Variants in FAM241B observed in about 807,000 individuals in gnomAD.
FAM241B encodes protein FAM241B.
FAM241B carries 7 observed loss-of-function variants against 9.3 expected under a neutral mutation model. That is an observed-to-expected ratio of 0.75 (90% CI 0.43 to 1.41). The LOEUF (loss-of-function observed/expected upper bound fraction) is 1.41, where lower values mean the gene tolerates loss of function less well. FAM241B is among the 40% of genes most tolerant of loss of function. The pLI is 0.01. For missense variants in FAM241B, 136 were observed against 159.6 expected, an observed-to-expected ratio of 0.85 and a Z score of 0.80; for synonymous variants, 60 against 64.1, an observed-to-expected ratio of 0.94 and a Z score of 0.31.
chr10:69,631,962 G>T, intron 3 of FAM241B, 123 bp downstream of exon 3: 1 of 1,202,250 alleles, frequency 8.3e-7, no homozygotes, highest in Non-Finnish European at 1.1e-6. Context: ...TTTGCAGAGA[G>T]CTGGGGAAGA....
chr10:69,631,911 C>T, intron 3 of FAM241B, 72 bp downstream of exon 3: 1 of 1,546,098 alleles, frequency 6.5e-7, no homozygotes, highest in Non-Finnish European at 8.8e-7. Flanking sequence ...TTCCAGAAGT[C>T]TCTCTTGCTG....
At chr10:69,632,359 G>A (rs1839840956) in intron 3 of FAM241B, among the ~76,000 whole-genome samples, 2 of 151,528 alleles carry the variant, frequency 1.3e-5, no homozygotes, top group South Asian at 4.2e-4. Context: ...TCAGGAGGCT[G>A]AGGCAGGAGA....
chr10:69,630,985 T>C (rs935565500), intron 1 of FAM241B, among the ~76,000 whole-genome samples: 2 of 151,266 alleles, frequency 1.3e-5, no homozygotes, highest in Non-Finnish European at 2.9e-5. Flanking sequence ...CTCATCTCCC[T>C]GGGTGTTCCT....
chr10:69,633,192 C>T lies in FAM241B; in HGVS notation c.*133C>T, dbSNP rs1308377149. 14 of 1,326,454 alleles carry T rather than the reference C, an allele frequency of 1.1e-5. No individual in the cohort carries two copies. The highest frequency in any genetic ancestry group is 1.5e-5 in the Non-Finnish European group (14 of 961,414). 82.2% of individuals were successfully genotyped at this position (1,326,454 alleles called of 1,614,324 possible). Reference sequence around the variant, plus strand: ...GAGAGGGGACCACAGGTGTGTGTTTCCCCTTTGTGTTAAGCGTGAGGCAGA... The same window carrying T: ...GAGAGGGGACCACAGGTGTGTGTTTTCCCTTTGTGTTAAGCGTGAGGCAGA... On this transcript the variant is annotated 3_prime_UTR_variant, in exon 4 of 4. Transcript: ENST00000373279.
In FAM241B at chr10:69,632,881, C is replaced by T. The variant is rs758351510; in HGVS notation, c.188C>T (p.Pro63Leu). Residue 63 changes from proline to leucine, a missense_variant, in exon 4 of 4, where the codon CCC (proline) becomes CTC (leucine). Pro to Leu is a moderately conservative substitution (Grantham distance 98). Transcript: ENST00000373279. The stretch of plus-strand genomic sequence containing the variant: ...GCCAGGCTGGGTGCTGCTCAGTCCC[C>T]CTTCAATGACCTCAACCGGCAGCTG... ...AGARLGAAQS[P>L]FNDLNRQLVN... is the part of the protein sequence containing the mutation. 4 of 1,614,250 alleles carry T rather than the reference C, an allele frequency of 2.5e-6. No individual in the cohort carries two copies. Among genetic ancestry groups the T allele is most frequent in the Non-Finnish European group, 3.4e-6 (4 of 1,180,046 alleles).
chr10:69,632,324 G>A (rs920400142), intron 3 of FAM241B, among the ~76,000 whole-genome samples: 1 of 152,000 alleles, frequency 6.6e-6, no homozygotes, highest in Non-Finnish European at 1.5e-5. Flanking sequence ...CAGGTGTGGT[G>A]GTGCATGCCT....
intron 3 of FAM241B, 123 bp from the exon 4 acceptor site, chr10:69,632,667 T>A: frequency 8.9e-7 from 1 of 1,120,878 alleles, no homozygotes; most frequent in African/African-American, 1.5e-5. Flanking sequence ...GGGGGATTGC[T>A]GAGAAAGGAG....
At position 69,633,455 on chromosome 10, in the gene FAM241B, G is replaced by T; in HGVS notation, c.*396G>T. 4.9e-6 allele frequency: 1 copy of T among 203,466 alleles called. No individual in the cohort carries two copies. Among genetic ancestry groups the T allele is most frequent in the Non-Finnish European group, 9.9e-6 (1 of 100,746 alleles). The allele number at this position is 203,466 out of a possible 1,614,324, so 12.6% of individuals were successfully genotyped here. A position where few individuals can be genotyped will look rare whatever the true frequency, so the allele number is the denominator to read the frequency against. ...CCTAGGGAGCAGGACTTGGGCTTAGGGCAGGTGGAAAAAATTCCAGACTTT... is the reference window on the plus strand; with the variant it reads ...CCTAGGGAGCAGGACTTGGGCTTAGTGCAGGTGGAAAAAATTCCAGACTTT... On this transcript the variant is annotated 3_prime_UTR_variant, in exon 4 of 4. Transcript: ENST00000373279.
intron 1 of FAM241B, 31 bp from the exon 2 acceptor site, chr10:69,631,449 T>C: frequency 6.9e-7 from 1 of 1,455,832 alleles, no homozygotes; most frequent in Non-Finnish European, 9.2e-7. Context: ...GCAAACAACT[T>C]GCCTTTATTT....
chr10:69,631,684 T>A lies in FAM241B; in HGVS notation c.-35-25T>A, dbSNP rs772630710. ...CTGTGCCACTTGGCTTCCATTAGCC[T>A]GCCCACCCTGACCACACAATGCAGG... On this transcript the variant is annotated intron_variant, in intron 2 of 3. Coordinates refer to ENST00000373279, the MANE Select transcript of FAM241B (RefSeq NM_145306.3). 5 of 1,585,906 alleles carry A rather than the reference T, an allele frequency of 3.2e-6. No individual in the cohort carries two copies. The Admixed American group carries it at 7.4e-5, about 23-fold the overall frequency.
intron 3 of FAM241B, 131 bp downstream of exon 3, chr10:69,631,970 A>T: frequency 7.9e-7 from 1 of 1,263,880 alleles, no homozygotes; most frequent in Non-Finnish European, 1.1e-6. Context: ...GAGCTGGGGA[A>T]GATGCAGTGG....
At position 69,632,639 on chromosome 10, in the gene FAM241B, G is replaced by A. The variant is rs559609289; in HGVS notation, c.97-151G>A. On this transcript the variant is annotated intron_variant, in intron 3 of 3. Coordinates refer to ENST00000373279, the MANE Select transcript of FAM241B (RefSeq NM_145306.3). ...TGAGAGCTTGTGACTTGGTTGTTGG[G>A]ATTCTTATGGGTGGCATGGGGGATT... 2.3e-3 allele frequency: 1,887 copies of A among 833,692 alleles called. 9 individuals are homozygous for A. The highest frequency in any genetic ancestry group is 3.1e-3 in the Non-Finnish European group (1,689 of 545,026). The allele number at this position is 833,692 out of a possible 1,614,324, so 51.6% of individuals were successfully genotyped here. A position where few individuals can be genotyped will look rare whatever the true frequency, so the allele number is the denominator to read the frequency against.
chr10:69,632,579 G>A (rs10998887), intron 3 of FAM241B, among the ~76,000 whole-genome samples: 35,226 of 152,030 alleles, frequency 0.23, 4,354 homozygotes, highest in African/African-American at 0.29. Flanking sequence ...TCCTGGGCCT[G>A]ATGTGAGGAA....
chr10:69,633,231 C>A lies in FAM241B; in HGVS notation c.*172C>A. On this transcript the variant is annotated 3_prime_UTR_variant, in exon 4 of 4. Transcript: ENST00000373279. ...GCGTGAGGCAGAGGGAGACGTTAGT[C>A]CAGCATTTCCAAAGTGTGGGTGGGT... 2.0e-6 allele frequency: 2 copies of A among 977,120 alleles called. No homozygotes were observed. Among genetic ancestry groups the A allele is most frequent in the Non-Finnish European group, 3.0e-6 (2 of 666,188 alleles). 60.5% of individuals were successfully genotyped at this position (977,120 alleles called of 1,614,324 possible).
In FAM241B at chr10:69,631,607, G is replaced by C. The variant is rs1839821622; in HGVS notation, c.-36+60G>C. ...GGGAAAATCCTCCACAGATCTTCAC[G>C]AGTCTGGTCCCAGATCACTAACAGC... is the stretch of plus-strand genomic sequence containing the variant. On this transcript the variant is annotated intron_variant, in intron 2 of 3. Coordinates refer to ENST00000373279, the MANE Select transcript of FAM241B (RefSeq NM_145306.3). 4 of 1,547,988 alleles carry C rather than the reference G, an allele frequency of 2.6e-6. No individual in the cohort carries two copies. The South Asian group carries it at 4.8e-5, about 19-fold the overall frequency.
In FAM241B at chr10:69,632,924, G is replaced by T; in HGVS notation, c.231G>T (p.Pro77=). 1 of 1,614,192 alleles carries T rather than the reference G, an allele frequency of 6.2e-7. No homozygotes were observed. The highest frequency in any genetic ancestry group is 8.5e-7 in the Non-Finnish European group (1 of 1,180,044). ...LNRQLVNMGF[P]QWHLGNHAVE... ...GGCAGCTGGTGAACATGGGCTTTCC[G>T]CAGTGGCATCTTGGCAACCATGCTG... Residue 77 remains proline, a synonymous_variant, in exon 4 of 4, where the codon CCG becomes CCT. Coordinates refer to ENST00000373279, the MANE Select transcript of FAM241B (RefSeq NM_145306.3).
At chr10:69,630,724 G>A in intron 1 of FAM241B, 1 of 1,246,042 alleles carries the variant, frequency 8.0e-7, no homozygotes, top group Non-Finnish European at 1.0e-6. Flanking sequence ...AAGGGGAGGC[G>A]TGGAGGGGCC....
At chr10:69,630,650 T>C (rs1258056083) in intron 1 of FAM241B, 1 of 1,299,822 alleles carries the variant, frequency 7.7e-7, no homozygotes, top group South Asian at 1.2e-5. Flanking sequence ...TCACCAGTGC[T>C]ATCTGGAATG....
chr10:69,633,052 A>C lies in FAM241B; in HGVS notation c.359A>C (p.Gln120Pro). The change falls in exon 4 of 4, where the codon CAG becomes CCG. Residue 120 changes from glutamine (Q) to proline (P), a missense_variant. Coordinates refer to ENST00000373279, the MANE Select transcript of FAM241B (RefSeq NM_145306.3). ...GTCTACCTGGTGTCCCACCTGAGTC[A>C]GCGGTGACCTCTGAGGGCTGATAGG... ...GLVYLVSHLS[Q>P]R The C allele has an allele frequency of 6.2e-7, 1 of 1,614,132 alleles. No homozygotes were observed. The highest frequency in any genetic ancestry group is 1.1e-5 in the South Asian group (1 of 91,084).
Sources: allele counts gnomAD v4.1 joint callset (sites outside exome capture counted in the v4.1 genomes callset), GRCh38; gene constraint gnomAD v4.1.1; transcripts MANE v1.5; gene names NCBI Gene and HGNC (gene_info 2026-07-23, HGNC 2026-07-21).